Variants in DNER observed in about 807,000 individuals in gnomAD.
DNER encodes delta/notch like EGF repeat containing, also known as delta and Notch-like epidermal growth factor-related receptor.
A neutral mutation model predicts 78.2 loss-of-function variants in DNER; 33 were observed. The ratio of observed to expected loss-of-function variants is 0.42; its 90% CI spans 0.32 to 0.56. DNER has a LOEUF of 0.56. Among genes scored for constraint, DNER ranks in the 20% least tolerant of loss-of-function variants. The probability of loss-of-function intolerance (pLI) is 0.11; values close to 1 mark genes in which losing one functional copy is unlikely to be tolerated. For synonymous variants in DNER, 417 were observed against 384.8 expected (o/e 1.08, Z -0.98); for missense variants, 918 against 975.3 (o/e 0.94, Z 0.78).
At chr2:229,671,270 A>G (rs1262908465) in intron 1 of DNER, among the ~76,000 whole-genome samples, 2 of 152,178 alleles carry the variant, frequency 1.3e-5, no homozygotes, top group East Asian at 3.9e-4. Flanking sequence ...AAAGTCTACT[A>G]GGCGCCAGCC....
chr2:229,611,238 G>A (rs973356378), intron 1 of DNER, among the ~76,000 whole-genome samples: 52 of 151,888 alleles, frequency 3.4e-4, no homozygotes, highest in African/African-American at 1.2e-3. Flanking sequence ...AAACAGCTAC[G>A]AAGTCATTTG....
chr2:229,667,853 T>G (rs890377242), intron 1 of DNER, among the ~76,000 whole-genome samples: 4 of 152,196 alleles, frequency 2.6e-5, no homozygotes, highest in Non-Finnish European at 4.4e-5. Context: ...GAGTGATAAT[T>G]TGCTTTCAGA....
chr2:229,668,554 A>G (rs201326916), intron 1 of DNER, among the ~76,000 whole-genome samples: 31,157 of 113,274 alleles, frequency 0.28, 5,324 homozygotes, highest in East Asian at 0.45. Flanking sequence ...ATATATATAT[A>G]TATATATATA....
intron 1 of DNER, among the ~76,000 whole-genome samples, chr2:229,628,129 A>G (rs983322730): frequency 3.3e-5 from 5 of 152,174 alleles, no homozygotes; most frequent in African/African-American, 1.2e-4. Flanking sequence ...CTGTGTTGGA[A>G]CTGAGGCTAT....
At chr2:229,509,916 G>T (rs1266804594) in intron 6 of DNER, among the ~76,000 whole-genome samples, 1 of 152,172 alleles carries the variant, frequency 6.6e-6, no homozygotes, top group African/African-American at 2.4e-5. Flanking sequence ...GTGAAGTAAG[G>T]AATACAGGGT....
intron 7 of DNER, among the ~76,000 whole-genome samples, chr2:229,467,682 A>G (rs1694832872): frequency 6.6e-6 from 1 of 152,182 alleles, no homozygotes; most frequent in Non-Finnish European, 1.5e-5. Context: ...AATGAAAATT[A>G]TATTTACTAC....
Position 229,363,274 on chromosome 2 carries a change from C to T in DNER, c.2102+3599G>A, listed in dbSNP as rs1206630068. ...CAGCCTCAGTCACTCGTGTGACCCA[C>T]TCCATGTGCCCTGTGTGGCTGCTGG... On this transcript the variant is annotated intron_variant, in intron 12 of 12. Coordinates refer to ENST00000341772, the MANE Select transcript of DNER (RefSeq NM_139072.4). Among the ~76,000 whole-genome samples the T allele has an allele frequency of 2.6e-5, 4 of 152,254 alleles. No homozygotes were observed. The East Asian group carries it at 7.7e-4, about 29-fold the overall frequency.
intron 4 of DNER, among the ~76,000 whole-genome samples, chr2:229,556,340 G>T (rs1696855724): frequency 6.6e-6 from 1 of 152,198 alleles, no homozygotes. Context: ...TCAAAAGTTT[G>T]CAGGAGCTTT....
At chr2:229,375,427 A>C (rs1480954130) in intron 11 of DNER, among the ~76,000 whole-genome samples, 1 of 152,196 alleles carries the variant, frequency 6.6e-6, no homozygotes, top group African/African-American at 2.4e-5. Flanking sequence ...ACAAAACTCC[A>C]CAACAGCATT....
chr2:229,361,526 G>A (rs993661843), intron 12 of DNER, among the ~76,000 whole-genome samples: 5 of 152,138 alleles, frequency 3.3e-5, no homozygotes, highest in African/African-American at 1.2e-4. Context: ...CAAAGGCTGA[G>A]TTGAGTAGTC....
chr2:229,521,834 A>G (rs1463911606), intron 5 of DNER, among the ~76,000 whole-genome samples: 1 of 152,220 alleles, frequency 6.6e-6, no homozygotes, highest in African/African-American at 2.4e-5. Context: ...CAGTGCTCAA[A>G]GAAAAACTAT....
At chr2:229,594,302 C>T (rs1295416272) in intron 1 of DNER, among the ~76,000 whole-genome samples, 1 of 152,112 alleles carries the variant, frequency 6.6e-6, no homozygotes, top group Non-Finnish European at 1.5e-5. Flanking sequence ...AAAAGAAGAG[C>T]AGAGGGCCGG....
At chr2:229,675,911 C>T (rs948712309) in intron 1 of DNER, among the ~76,000 whole-genome samples, 1 of 152,116 alleles carries the variant, frequency 6.6e-6, no homozygotes, top group African/African-American at 2.4e-5. Flanking sequence ...CAGGAAGTAC[C>T]ACTGCCAGGG....
At chr2:229,575,139 A>G (rs1388854824) in intron 4 of DNER, among the ~76,000 whole-genome samples, 1 of 152,252 alleles carries the variant, frequency 6.6e-6, no homozygotes, top group East Asian at 1.9e-4. Context: ...ACCTGTAAAT[A>G]AAATGCACTA....
intron 5 of DNER, among the ~76,000 whole-genome samples, chr2:229,524,580 T>C (rs192075833): frequency 2.2e-4 from 33 of 152,316 alleles, no homozygotes; most frequent in African/African-American, 7.7e-4. Flanking sequence ...GCTAGATTCA[T>C]GAACCAGGCT....
Position 229,473,816 on chromosome 2 carries a change from C to A in DNER, c.1261+3324G>T, listed in dbSNP as rs1292442411. Among the ~76,000 whole-genome samples the A allele has an allele frequency of 2.0e-5, 3 of 152,250 alleles. No homozygotes were observed. The South Asian group carries it at 6.2e-4, about 32-fold the overall frequency. ...GCAAGGGTCAGGGCTGGCTCTGAAC[C>A]CCAGGACATTCTGTGAATTTGAGGC... On this transcript the variant is annotated intron_variant, in intron 7 of 12. Transcript: ENST00000341772.
At position 229,665,756 on chromosome 2, in the gene DNER, A is replaced by T. The variant is rs74593701; in HGVS notation, c.276+48392T>A. ...GATTCCAACACCATGAACACTTGGGACCATCTTTGCATAGGGAAGAAGGTG... is the reference window on the plus strand; with the variant it reads ...GATTCCAACACCATGAACACTTGGGTCCATCTTTGCATAGGGAAGAAGGTG... On this transcript the variant is annotated intron_variant, in intron 1 of 12. Transcript: ENST00000341772. Among the ~76,000 whole-genome samples the T allele has an allele frequency of 3.5e-3, 534 of 152,278 alleles. 2 individuals are homozygous for T. Among genetic ancestry groups the T allele is most frequent in the Non-Finnish European group, 5.4e-3 (367 of 68,020 alleles).
chr2:229,472,498 G>A (rs1223779859), intron 7 of DNER, among the ~76,000 whole-genome samples: 10 of 152,090 alleles, frequency 6.6e-5, no homozygotes, highest in African/African-American at 2.2e-4. Context: ...AATGGCTAGA[G>A]AGTAGTATTC....
intron 6 of DNER, among the ~76,000 whole-genome samples, chr2:229,494,919 T>C (rs1574868976): frequency 6.6e-6 from 1 of 152,296 alleles, no homozygotes; most frequent in African/African-American, 2.4e-5. Context: ...TAAAATCCCA[T>C]CTCAATTCCT....
Sources: gnomAD v4.1 joint callset for allele counts (sites outside exome capture counted in the v4.1 genomes callset) on GRCh38, gnomAD v4.1.1 for gene constraint, MANE v1.5 for transcripts, NCBI Gene and HGNC (gene_info 2026-07-23, HGNC 2026-07-21) for gene names.